Variants in TSHZ3 observed in about 807,000 individuals in gnomAD.
The protein encoded by TSHZ3 is teashirt zinc finger homeobox 3.
In TSHZ3, 10 loss-of-function variants were observed where a neutral mutation model predicts 64.5. The observed-to-expected ratio is 0.16, with a 90% confidence interval of 0.10 to 0.26. TSHZ3 has a LOEUF of 0.26. Among genes scored for constraint, TSHZ3 ranks in the 10% least tolerant of loss-of-function variants. The probability of loss-of-function intolerance (pLI) is 1.00; values close to 1 mark genes in which losing one functional copy is unlikely to be tolerated. For missense variants in TSHZ3, 1,242 were observed against 1,421.7 expected (o/e 0.87, Z 2.03); for synonymous variants, 608 against 593.1 (o/e 1.03, Z -0.36).
At chr19:31,161,183 T>G (rs1256197861) in intron 5 of TSHZ3, among the ~76,000 whole-genome samples, 2 of 152,176 alleles carry the variant, frequency 1.3e-5, no homozygotes, top group African/African-American at 4.8e-5. Context: ...AGTACATCCA[T>G]ATCACCAAGA....
At chr19:31,215,654 C>G (rs945179287) in intron 4 of TSHZ3, among the ~76,000 whole-genome samples, 1 of 152,158 alleles carries the variant, frequency 6.6e-6, no homozygotes, top group Non-Finnish European at 1.5e-5. Context: ...TGGCGGATCA[C>G]GAGGTTAGGA....
At chr19:31,269,629 G>T (rs1231708524) in intron 1 of TSHZ3, among the ~76,000 whole-genome samples, 1 of 151,986 alleles carries the variant, frequency 6.6e-6, no homozygotes, top group East Asian at 1.9e-4. Context: ...ATTTCACTTG[G>T]CCTGGGAGAT....
intron 5 of TSHZ3, among the ~76,000 whole-genome samples, chr19:31,189,344 G>A (rs1180893382): frequency 6.6e-6 from 1 of 151,142 alleles, no homozygotes; most frequent in Admixed American, 6.6e-5. Flanking sequence ...TTGAATTTTG[G>A]CACTTTATTT....
chr19:31,189,493 A>C (rs1219546987), intron 5 of TSHZ3, among the ~76,000 whole-genome samples: 1 of 151,560 alleles, frequency 6.6e-6, no homozygotes, highest in East Asian at 1.9e-4. Context: ...TTTCCTTTTG[A>C]TGAGTAGGTT....
chr19:31,268,591 A>G (rs2145204191), intron 1 of TSHZ3, among the ~76,000 whole-genome samples: 1 of 152,268 alleles, frequency 6.6e-6, no homozygotes, highest in South Asian at 2.1e-4. Flanking sequence ...TCATCTATAA[A>G]CAGGCATCAC....
chr19:31,238,852 C>T (rs1975655137), intron 3 of TSHZ3, among the ~76,000 whole-genome samples: 1 of 152,146 alleles, frequency 6.6e-6, no homozygotes, highest in Non-Finnish European at 1.5e-5. Flanking sequence ...TCTCTATTTT[C>T]ATTGGGATGC....
At chr19:31,261,783 T>G (rs992852087) in intron 1 of TSHZ3, among the ~76,000 whole-genome samples, 5 of 152,162 alleles carry the variant, frequency 3.3e-5, no homozygotes. Context: ...CTATCACCTC[T>G]TGTCCTCCAA....
chr19:31,309,981 T>C (rs1916411215), intron 1 of TSHZ3, among the ~76,000 whole-genome samples: 1 of 152,170 alleles, frequency 6.6e-6, no homozygotes, highest in South Asian at 2.1e-4. Flanking sequence ...AGCAGGTGCT[T>C]AATAAACATC....
intron 5 of TSHZ3, among the ~76,000 whole-genome samples, chr19:31,186,076 G>A (rs1006136138): frequency 5.3e-5 from 8 of 152,114 alleles, no homozygotes; most frequent in African/African-American, 1.7e-4. Flanking sequence ...TTCTTTTAAC[G>A]AATGTTGGGG....
chr19:31,156,191 G>A (rs1360448191), intron 6 of TSHZ3, among the ~76,000 whole-genome samples: 1 of 152,176 alleles, frequency 6.6e-6, no homozygotes, highest in African/African-American at 2.4e-5. Flanking sequence ...CTCCAAGAAG[G>A]CAGGACTCTG....
chr19:31,182,403 G>A (rs1022199809), intron 5 of TSHZ3, among the ~76,000 whole-genome samples: 1 of 152,182 alleles, frequency 6.6e-6, no homozygotes, highest in African/African-American at 2.4e-5. Context: ...AGTCTGCCTA[G>A]GGGATAGTGG....
chr19:31,242,491 G>A (rs998870084), exon 3 of TSHZ3, among the ~76,000 whole-genome samples: 8 of 152,292 alleles, frequency 5.3e-5, no homozygotes, highest in Non-Finnish European at 1.0e-4. Context: ...ATGTCCAAAG[G>A]CAGCAGAAGA....
Position 31,277,356 on chromosome 19 carries a change from T to C in TSHZ3, c.2437A>G (p.Thr813Ala). The C allele has an allele frequency of 6.2e-7, 1 of 1,614,090 alleles. No individual in the cohort carries two copies. The highest frequency in any genetic ancestry group is 8.5e-7 in the Non-Finnish European group (1 of 1,179,910). Residue 813 changes from threonine to alanine, a missense_variant, in exon 2 of 2, where the codon ACA (threonine) becomes GCA (alanine). Thr to Ala is a moderately conservative substitution (Grantham distance 58). Around this residue, in one of 4 missense-constraint regions of TSHZ3, gnomAD observed 550 missense variants for 545.1 expected, o/e 1.01. Coordinates refer to ENST00000240587, the MANE Select transcript of TSHZ3 (RefSeq NM_020856.4). The surrounding 1 kb of genome is among the most constrained non-coding windows in gnomAD (Gnocchi z 4.5). ...LGSVLLSPTS[T>A]APATSSSTVT... Reference sequence around the variant, plus strand: ...GTGGATGAGGAGGTTGCCGGGGCTGTGGACGTGGGTGACAGAAGCACTGAA... The same window carrying C: ...GTGGATGAGGAGGTTGCCGGGGCTGCGGACGTGGGTGACAGAAGCACTGAA...
At chr19:31,165,704 C>A (rs998265316) in intron 5 of TSHZ3, among the ~76,000 whole-genome samples, 1 of 152,048 alleles carries the variant, frequency 6.6e-6, no homozygotes, top group Admixed American at 6.5e-5. Context: ...TTGTGTGTGT[C>A]CCCGAATCAG....
intron 1 of TSHZ3, among the ~76,000 whole-genome samples, chr19:31,326,008 A>C (rs1468221768): frequency 6.6e-6 from 1 of 152,132 alleles, no homozygotes; most frequent in Non-Finnish European, 1.5e-5. Flanking sequence ...CTAGTTTAAA[A>C]CTTTAACATT....
chr19:31,230,329 T>C (rs1217064280), intron 3 of TSHZ3, among the ~76,000 whole-genome samples: 2 of 152,182 alleles, frequency 1.3e-5, no homozygotes, highest in Non-Finnish European at 2.9e-5. Flanking sequence ...TGTATGTATG[T>C]AAATATATGC....
chr19:31,299,922 C>T (rs761833525), intron 1 of TSHZ3, among the ~76,000 whole-genome samples: 19 of 152,328 alleles, frequency 1.2e-4, no homozygotes, highest in Non-Finnish European at 2.1e-4. Context: ...AATGCCTTTC[C>T]TTTACACGCA....
intron 5 of TSHZ3, among the ~76,000 whole-genome samples, chr19:31,165,449 G>A (rs1974435596): frequency 6.6e-6 from 1 of 152,072 alleles, no homozygotes; most frequent in South Asian, 2.1e-4. Context: ...TGGTCTATAA[G>A]ACCACAACAG....
intron 5 of TSHZ3, among the ~76,000 whole-genome samples, chr19:31,159,416 C>T (rs1007316949): frequency 1.3e-5 from 2 of 152,192 alleles, no homozygotes; most frequent in Non-Finnish European, 2.9e-5. Context: ...TGCTCTTTTG[C>T]CATGAAACAA....
Sources: gnomAD v4.1 joint callset for allele counts (sites outside exome capture counted in the v4.1 genomes callset) on GRCh38, gnomAD v4.1.1 for gene constraint, gnomAD v4.1.1 regional missense constraint, Gnocchi (gnomAD v3.1) non-coding constraint, MANE v1.5 for transcripts, NCBI Gene and HGNC (gene_info 2026-07-23, HGNC 2026-07-21) for gene names.